Variants in PRTFDC1 observed in about 807,000 individuals in gnomAD.
PRTFDC1 encodes phosphoribosyl transferase domain containing 1, also known as phosphoribosyltransferase domain-containing protein 1.
PRTFDC1 carries 38 observed loss-of-function variants against 34.6 expected under a neutral mutation model. The ratio of observed to expected loss-of-function variants is 1.10; its 90% CI spans 0.85 to 1.44. The LOEUF is 1.44. PRTFDC1 is among the 40% of genes most tolerant of loss of function. The probability of loss-of-function intolerance (pLI) is 0.00; values close to 1 mark genes in which losing one functional copy is unlikely to be tolerated. For missense variants in PRTFDC1, 270 were observed against 283.0 expected (o/e 0.95, Z 0.33); for synonymous variants, 93 against 98.1 (o/e 0.95, Z 0.31).
At chr10:24,868,829 A>C (rs559720474) in intron 4 of PRTFDC1, among the ~76,000 whole-genome samples, 15 of 151,446 alleles carry the variant, frequency 9.9e-5, no homozygotes, top group African/African-American at 3.4e-4. Context: ...TATATTCTGC[A>C]TGATGGGAAG....
chr10:24,858,323 G>A, intron 5 of PRTFDC1, 69 bp downstream of exon 5: 1 of 1,537,232 alleles, frequency 6.5e-7, no homozygotes, highest in Non-Finnish European at 9.0e-7. Flanking sequence ...TGATAACAAG[G>A]TTTACCGTTT....
At chr10:24,862,966 C>T (rs1847707665) in intron 4 of PRTFDC1, among the ~76,000 whole-genome samples, 1 of 152,272 alleles carries the variant, frequency 6.6e-6, no homozygotes, top group East Asian at 1.9e-4. Context: ...CAACCTCTGC[C>T]TCCTGGGTTC....
chr10:24,931,967 A>G (rs1406587118), intron 3 of PRTFDC1, among the ~76,000 whole-genome samples: 1 of 151,800 alleles, frequency 6.6e-6, no homozygotes, highest in Non-Finnish European at 1.5e-5. Flanking sequence ...CTTAAATGCA[A>G]AATTCCTCAA....
intron 3 of PRTFDC1, chr10:24,908,342 C>T: frequency 1.1e-6 from 1 of 888,500 alleles, no homozygotes. Context: ...TGTTTCTTTA[C>T]ATATTTTGAT....
chr10:24,914,331 C>G (rs1286551229), intron 3 of PRTFDC1, among the ~76,000 whole-genome samples: 1 of 152,118 alleles, frequency 6.6e-6, no homozygotes, highest in Non-Finnish European at 1.5e-5. Context: ...TCATAGTGTA[C>G]TCTCAAAAAA....
chr10:24,869,607 C>T (rs1368998232), intron 4 of PRTFDC1, among the ~76,000 whole-genome samples: 2 of 152,152 alleles, frequency 1.3e-5, no homozygotes, highest in Admixed American at 1.3e-4. Flanking sequence ...TGGTGTTATG[C>T]CAAGGCATAT....
intron 3 of PRTFDC1, among the ~76,000 whole-genome samples, chr10:24,924,199 G>A (rs6482463): frequency 0.32 from 49,169 of 152,032 alleles, 9,356 homozygotes; most frequent in African/African-American, 0.53. Context: ...AAAGTGATGG[G>A]GAGAATGAAA....
At chr10:24,888,962 T>G (rs1484220606) in intron 3 of PRTFDC1, among the ~76,000 whole-genome samples, 1 of 152,164 alleles carries the variant, frequency 6.6e-6, no homozygotes, top group East Asian at 1.9e-4. Context: ...CTCATTTACT[T>G]CATCTGGAAA....
chr10:24,936,229 A>G (rs1354855191), intron 3 of PRTFDC1, among the ~76,000 whole-genome samples: 1 of 152,228 alleles, frequency 6.6e-6, no homozygotes, highest in African/African-American at 2.4e-5. Context: ...CATTAAATCA[A>G]AAAGCATCAA....
intron 3 of PRTFDC1, among the ~76,000 whole-genome samples, chr10:24,875,224 C>A (rs567676243): frequency 6.6e-6 from 1 of 152,318 alleles, no homozygotes; most frequent in South Asian, 2.1e-4. Context: ...GGCTAATTAG[C>A]ATATCCAACA....
intron 3 of PRTFDC1, among the ~76,000 whole-genome samples, chr10:24,920,775 G>A (rs1182084552): frequency 6.6e-6 from 1 of 151,976 alleles, no homozygotes; most frequent in Admixed American, 6.6e-5. Context: ...ACTGCTGATG[G>A]AAAAATAACT....
chr10:24,858,999 A>G (rs1847629824), intron 4 of PRTFDC1, among the ~76,000 whole-genome samples: 1 of 152,024 alleles, frequency 6.6e-6, no homozygotes, highest in East Asian at 1.9e-4. Context: ...GCATTCCTCT[A>G]CCTCTCCCCT....
intron 3 of PRTFDC1, among the ~76,000 whole-genome samples, chr10:24,922,688 T>C (rs1480911958): frequency 2.6e-5 from 4 of 152,232 alleles, no homozygotes; most frequent in Non-Finnish European, 5.9e-5. Context: ...CCAAGATGGC[T>C]GAATAGGAAC....
intron 3 of PRTFDC1, among the ~76,000 whole-genome samples, chr10:24,930,675 C>T (rs1452966176): frequency 6.6e-6 from 1 of 151,986 alleles, no homozygotes; most frequent in African/African-American, 2.4e-5. Flanking sequence ...CTAGATCCAC[C>T]ACTTACATGC....
At chr10:24,855,223 T>A in intron 7 of PRTFDC1, 95 bp downstream of exon 7, 7 of 1,256,642 alleles carry the variant, frequency 5.6e-6, no homozygotes, top group Non-Finnish European at 7.9e-6. Flanking sequence ...CATGCAATGC[T>A]GTCAAATAGG....
At position 24,937,555 on chromosome 10, in the gene PRTFDC1, CTT is replaced by C. The variant is rs35562409; in HGVS notation, c.156-190_156-189del. On this transcript the variant is annotated intron_variant, in intron 2 of 8. Coordinates refer to ENST00000320152, the MANE Select transcript of PRTFDC1 (RefSeq NM_020200.7). ...AACATAAGGTGTTCAAAACATACTG[CTT>C]TTTTTTTTTTTTTTTTTTAAGATGG... is the stretch of plus-strand genomic sequence containing the variant. Among the ~76,000 whole-genome samples, 9 of 138,994 alleles carry C rather than the reference CTT, an allele frequency of 6.5e-5. No homozygotes were observed. The East Asian group carries it at 9.7e-4, about 15-fold the overall frequency. 91.2% of individuals were successfully genotyped at this position (138,994 alleles called of 152,430 possible). A position where few individuals can be genotyped will look rare whatever the true frequency, so the allele number is the denominator to read the frequency against.
At chr10:24,857,790 G>A (rs968851621) in intron 5 of PRTFDC1, among the ~76,000 whole-genome samples, 5 of 152,172 alleles carry the variant, frequency 3.3e-5, no homozygotes, top group Non-Finnish European at 5.9e-5. Context: ...TGAGACAAGC[G>A]TGCTCCTGAA....
At chr10:24,892,804 T>C (rs2132540961) in intron 3 of PRTFDC1, among the ~76,000 whole-genome samples, 1 of 152,292 alleles carries the variant, frequency 6.6e-6, no homozygotes, top group Non-Finnish European at 1.5e-5. Context: ...TTTAGATTCT[T>C]ATTTCTGGGG....
At chr10:24,854,154 TA>T (rs1181265672) in intron 7 of PRTFDC1, among the ~76,000 whole-genome samples, 1 of 152,222 alleles carries the variant, frequency 6.6e-6, no homozygotes, top group African/African-American at 2.4e-5. Flanking sequence ...GCTGTTATTA[TA>T]AGTGATATAA....
Sources: allele counts gnomAD v4.1 joint callset (sites outside exome capture counted in the v4.1 genomes callset), GRCh38; gene constraint gnomAD v4.1.1; transcripts MANE v1.5; gene names NCBI Gene and HGNC (gene_info 2026-07-23, HGNC 2026-07-21).